Variants in GRIN2A observed in about 807,000 individuals in gnomAD.
GRIN2A encodes glutamate ionotropic receptor NMDA type subunit 2A, also known as glutamate receptor ionotropic, NMDA 2A.
Under a neutral mutation model 113.4 loss-of-function variants are expected in GRIN2A, and 22 were observed. That is an observed-to-expected ratio of 0.19 (90% CI 0.14 to 0.28). The LOEUF (loss-of-function observed/expected upper bound fraction) is 0.28, where lower values mean the gene tolerates loss of function less well. GRIN2A is among the 10% of genes least tolerant of loss of function. The pLI is 1.00. For synonymous variants in GRIN2A, 827 were observed against 738.4 expected, an observed-to-expected ratio of 1.12 and a Z score of -1.94; for missense variants, 1,502 against 1,887.0, an observed-to-expected ratio of 0.80 and a Z score of 3.78.
At chr16:9,878,790 T>C (rs1374761294) in intron 4 of GRIN2A, among the ~76,000 whole-genome samples, 1 of 151,924 alleles carries the variant, frequency 6.6e-6, no homozygotes, top group Non-Finnish European at 1.5e-5. Context: ...CTTTTTGGAG[T>C]TGGGTTGATG....
At chr16:10,174,883 T>C (rs985002959) in intron 2 of GRIN2A, among the ~76,000 whole-genome samples, 6 of 151,180 alleles carry the variant, frequency 4.0e-5, no homozygotes, top group African/African-American at 1.5e-4. Context: ...ATTGAGAAAT[T>C]ACACATATAT....
chr16:10,096,371 C>T (rs2048288443), intron 2 of GRIN2A, among the ~76,000 whole-genome samples: 1 of 152,170 alleles, frequency 6.6e-6, no homozygotes, highest in South Asian at 2.1e-4. Flanking sequence ...TCTTGGGCCT[C>T]ACCCAGACCT....
chr16:9,939,726 T>C (rs529371541), intron 2 of GRIN2A, among the ~76,000 whole-genome samples: 1 of 152,250 alleles, frequency 6.6e-6, no homozygotes, highest in African/African-American at 2.4e-5. Flanking sequence ...CTGCCCCCTT[T>C]CTGACACTCA....
chr16:10,051,338 A>G lies in GRIN2A; in HGVS notation c.415-112787T>C, dbSNP rs1003621533. ...CAGACAGGAACAAGACACCTCCTGC[A>G]TGGGTCTCAGAGTCTGATGGAAAGG... is the stretch of plus-strand genomic sequence containing the variant. On this transcript the variant is annotated intron_variant, in intron 2 of 12. Coordinates refer to ENST00000330684, the MANE Select transcript of GRIN2A (RefSeq NM_001134407.3). 2.6e-5 allele frequency among the ~76,000 whole-genome samples: 4 copies of G among 152,186 alleles called. No individual in the cohort carries two copies. The East Asian group carries it at 5.8e-4, about 22-fold the overall frequency.
intron 3 of GRIN2A, among the ~76,000 whole-genome samples, chr16:9,898,557 T>C (rs1357070740): frequency 6.6e-6 from 1 of 152,226 alleles, no homozygotes; most frequent in Non-Finnish European, 1.5e-5. Context: ...GTTTCACAAA[T>C]GCCACCATAA....
chr16:9,882,426 A>T (rs1379473953), intron 4 of GRIN2A, among the ~76,000 whole-genome samples: 1 of 152,130 alleles, frequency 6.6e-6, no homozygotes, highest in East Asian at 1.9e-4. Flanking sequence ...TTCACACAAG[A>T]CATAACATAT....
chr16:10,086,777 C>T (rs1530670), intron 2 of GRIN2A, among the ~76,000 whole-genome samples: 1 of 152,126 alleles, frequency 6.6e-6, no homozygotes, highest in Non-Finnish European at 1.5e-5. Context: ...AAGAGCAAGC[C>T]GCAGTGCTAG....
intron 4 of GRIN2A, 147 bp from the exon 5 acceptor site, chr16:9,850,108 A>G: frequency 1.4e-6 from 1 of 731,466 alleles, no homozygotes; most frequent in Admixed American, 2.0e-5. Flanking sequence ...CTGTGCTAAG[A>G]CAAACGGGCA....
At chr16:10,097,916 T>C (rs530649294) in intron 2 of GRIN2A, among the ~76,000 whole-genome samples, 11 of 151,984 alleles carry the variant, frequency 7.2e-5, no homozygotes, top group Non-Finnish European at 1.2e-4. Context: ...CCAAAGCAAA[T>C]GCAACAAAAA....
chr16:10,153,060 G>C (rs914970849), intron 2 of GRIN2A, among the ~76,000 whole-genome samples: 4 of 152,200 alleles, frequency 2.6e-5, no homozygotes, highest in Non-Finnish European at 5.9e-5. Context: ...ACAACACCAA[G>C]GGTGAATTTT....
At chr16:9,969,776 T>C (rs1317888016) in intron 2 of GRIN2A, among the ~76,000 whole-genome samples, 1 of 152,186 alleles carries the variant, frequency 6.6e-6, no homozygotes, top group Non-Finnish European at 1.5e-5. Context: ...AAGACCAGGG[T>C]TGCTGCTAAA....
chr16:10,013,959 G>A (rs998646147), intron 2 of GRIN2A, among the ~76,000 whole-genome samples: 1 of 152,124 alleles, frequency 6.6e-6, no homozygotes, highest in Non-Finnish European at 1.5e-5. Flanking sequence ...TACCAGTCTG[G>A]GTCAAGCTCC....
intron 9 of GRIN2A, among the ~76,000 whole-genome samples, chr16:9,827,307 G>A (rs548044013): frequency 7.9e-5 from 12 of 152,322 alleles, no homozygotes; most frequent in African/African-American, 2.6e-4. Context: ...GATACCACCC[G>A]CTTTAGGCGG....
At chr16:10,134,715 C>T (rs2049154964) in intron 2 of GRIN2A, among the ~76,000 whole-genome samples, 1 of 152,060 alleles carries the variant, frequency 6.6e-6, no homozygotes, top group African/African-American at 2.4e-5. Context: ...AATGTTTATG[C>T]TGGTAGGAAA....
At chr16:9,803,134 G>A (rs148423489) in intron 10 of GRIN2A, among the ~76,000 whole-genome samples, 5 of 152,204 alleles carry the variant, frequency 3.3e-5, no homozygotes, top group African/African-American at 1.2e-4. Context: ...GCCGGGCACA[G>A]TGGCTAGCGC....
intron 2 of GRIN2A, among the ~76,000 whole-genome samples, chr16:10,141,216 C>T (rs979509232): frequency 6.6e-6 from 1 of 152,012 alleles, no homozygotes; most frequent in African/African-American, 2.4e-5. Flanking sequence ...ATAGGCCAGG[C>T]ACAGTGGCTC....
intron 11 of GRIN2A, among the ~76,000 whole-genome samples, chr16:9,792,042 A>C (rs1044487417): frequency 3.3e-5 from 5 of 151,966 alleles, no homozygotes; most frequent in Non-Finnish European, 5.9e-5. Flanking sequence ...CAAAAGTTGC[A>C]GTACAAAAGG....
intron 11 of GRIN2A, among the ~76,000 whole-genome samples, chr16:9,778,523 T>C (rs908887524): frequency 1.3e-5 from 2 of 152,142 alleles, no homozygotes; most frequent in African/African-American, 2.4e-5. Context: ...TTTAAACACA[T>C]ACAGATTTAA....
intron 2 of GRIN2A, among the ~76,000 whole-genome samples, chr16:10,104,545 G>A (rs1437846599): frequency 1.3e-5 from 2 of 152,204 alleles, no homozygotes; most frequent in Non-Finnish European, 2.9e-5. Context: ...AAGCACTCTT[G>A]CATATGGAAA....
Sources: gnomAD v4.1 joint callset for allele counts (sites outside exome capture counted in the v4.1 genomes callset) on GRCh38, gnomAD v4.1.1 for gene constraint, MANE v1.5 for transcripts, NCBI Gene and HGNC (gene_info 2026-07-23, HGNC 2026-07-21) for gene names.